NECTIN3: variants seen among roughly 807,000 people sequenced by gnomAD.
The protein encoded by NECTIN3 is nectin cell adhesion molecule 3.
A neutral mutation model predicts 49.4 loss-of-function variants in NECTIN3; 8 were observed. The ratio of observed to expected loss-of-function variants is 0.16; its 90% confidence interval spans 0.10 to 0.29. NECTIN3 has a LOEUF of 0.29. Among genes scored for constraint, NECTIN3 ranks in the 10% least tolerant of loss-of-function variants. NECTIN3 has a pLI of 1.00. For synonymous variants in NECTIN3, 277 were observed against 241.1 expected (o/e 1.15, Z -1.38); for missense variants, 581 against 654.6 (o/e 0.89, Z 1.23).
At position 111,107,787 on chromosome 3, in the gene NECTIN3, A is replaced by G. The variant is rs184804653; in HGVS notation, c.161-4243A>G. On this transcript the variant is annotated intron_variant, in intron 1 of 5. Transcript: ENST00000485303. The stretch of plus-strand genomic sequence containing the variant: ...TTTGGTTTAAGAACTACAACAGAAA[A>G]TCTGTTTCTGCACAGTTTTAAGATT... Among the ~76,000 whole-genome samples the G allele has an allele frequency of 1.2e-4, 19 of 152,252 alleles. No individual in the cohort carries two copies. The East Asian group carries it at 3.5e-3, about 28-fold the overall frequency.
intron 2 of NECTIN3, 142 bp from the exon 3 acceptor site, chr3:111,118,514 C>T (rs931281893): frequency 1.7e-5 from 12 of 707,870 alleles, no homozygotes; most frequent in African/African-American, 9.0e-5. Context: ...ATGTAATTGA[C>T]GATGGCATTA....
chr3:111,182,307 T>C (rs1341139064), intron 7 of NECTIN3, among the ~76,000 whole-genome samples: 1 of 152,098 alleles, frequency 6.6e-6, no homozygotes, highest in Non-Finnish European at 1.5e-5. Flanking sequence ...GTTACGCTGT[T>C]GTTGGATGTG....
chr3:111,106,431 T>G (rs1209555571), intron 1 of NECTIN3, among the ~76,000 whole-genome samples: 3 of 152,242 alleles, frequency 2.0e-5, no homozygotes, highest in Non-Finnish European at 4.4e-5. Flanking sequence ...TGATAATATT[T>G]GTTTGCAGTT....
chr3:111,119,157 A>T (rs1464371777), intron 3 of NECTIN3, among the ~76,000 whole-genome samples: 3 of 152,208 alleles, frequency 2.0e-5, no homozygotes, highest in Non-Finnish European at 4.4e-5. Context: ...CCAACTTAAA[A>T]TTATATAACC....
At chr3:111,124,699 C>T (rs761579083) in intron 4 of NECTIN3, among the ~76,000 whole-genome samples, 1 of 152,180 alleles carries the variant, frequency 6.6e-6, no homozygotes, top group Non-Finnish European at 1.5e-5. Context: ...TTTTACCACT[C>T]ACTACACTTG....
intron 7 of NECTIN3, among the ~76,000 whole-genome samples, chr3:111,178,300 CT>C (rs1438091813): frequency 2.0e-4 from 30 of 152,126 alleles, no homozygotes; most frequent in African/African-American, 7.0e-4. Flanking sequence ...GCCATGAGGA[CT>C]TTCTTTCTGT....
At chr3:111,080,724 G>A (rs1351525556) in intron 1 of NECTIN3, among the ~76,000 whole-genome samples, 2 of 151,790 alleles carry the variant, frequency 1.3e-5, no homozygotes, top group Non-Finnish European at 2.9e-5. Context: ...GGGATAAATT[G>A]GGGACTATTG....
In NECTIN3 at chr3:111,133,729, C is replaced by A; in HGVS notation, c.1164C>A (p.Pro388=). 1 of 1,613,946 alleles carries A rather than the reference C, an allele frequency of 6.2e-7. No homozygotes were observed. The highest frequency in any genetic ancestry group is 8.5e-7 in the Non-Finnish European group (1 of 1,179,866). ...EDLATEPKKL[P]FPLSTLATIK... ...TAGCAACAGAACCTAAAAAATTGCC[C>A]TTCCCATTGTCAACTTTGGCAACAA... Residue 388 remains proline, a synonymous_variant, in exon 6 of 6, where the codon CCC becomes CCA. Transcript: ENST00000485303.
At chr3:111,131,451 T>A (rs2034387697) in intron 5 of NECTIN3, among the ~76,000 whole-genome samples, 1 of 152,028 alleles carries the variant, frequency 6.6e-6, no homozygotes, top group Non-Finnish European at 1.5e-5. Flanking sequence ...TTTGCACGCA[T>A]TGTCATATTT....
chr3:111,077,852 G>C (rs1170634354), intron 1 of NECTIN3, among the ~76,000 whole-genome samples: 2 of 152,112 alleles, frequency 1.3e-5, no homozygotes, highest in African/African-American at 4.8e-5. Flanking sequence ...CGAAATCAAG[G>C]TTAGTCCAAA....
At chr3:111,149,073 C>G (rs1260019151) in intron 7 of NECTIN3, among the ~76,000 whole-genome samples, 1 of 151,934 alleles carries the variant, frequency 6.6e-6, no homozygotes, top group Non-Finnish European at 1.5e-5. Flanking sequence ...ATGGGATAAC[C>G]AGTTGTCCAA....
intron 1 of NECTIN3, among the ~76,000 whole-genome samples, chr3:111,108,876 G>A (rs2033330073): frequency 6.6e-6 from 1 of 152,082 alleles, no homozygotes; most frequent in African/African-American, 2.4e-5. Context: ...CCTCTCATTA[G>A]GTCCACCTCC....
intron 1 of NECTIN3, among the ~76,000 whole-genome samples, chr3:111,096,711 G>A (rs2032605816): frequency 1.3e-5 from 2 of 152,198 alleles, no homozygotes; most frequent in African/African-American, 4.8e-5. Context: ...TCGGGCTGTT[G>A]CTTCAGAAGG....
downstream of NECTIN3, among the ~76,000 whole-genome samples, chr3:111,140,058 A>G (rs2034703533): frequency 6.6e-6 from 1 of 151,882 alleles, no homozygotes; most frequent in African/African-American, 2.4e-5. Context: ...AAGGTCTGAT[A>G]TCATGGTCAG....
At chr3:111,086,102 G>C (rs1337744112) in intron 1 of NECTIN3, among the ~76,000 whole-genome samples, 2 of 152,142 alleles carry the variant, frequency 1.3e-5, no homozygotes, top group African/African-American at 2.4e-5. Context: ...CTTTTGTGAA[G>C]TGCCTGTTCA....
chr3:111,154,144 C>G (rs1025403134), intron 7 of NECTIN3, among the ~76,000 whole-genome samples: 2 of 152,074 alleles, frequency 1.3e-5, no homozygotes, highest in African/African-American at 4.8e-5. Context: ...TCCTAGTGTC[C>G]CTTTGTAATC....
At chr3:111,159,112 A>G (rs1372413843) in intron 7 of NECTIN3, among the ~76,000 whole-genome samples, 1 of 152,182 alleles carries the variant, frequency 6.6e-6, no homozygotes, top group African/African-American at 2.4e-5. Context: ...CTTCCAGTTT[A>G]TCTTTTGTAA....
chr3:111,114,191 T>C (rs1004944158), intron 2 of NECTIN3, among the ~76,000 whole-genome samples: 1 of 152,126 alleles, frequency 6.6e-6, no homozygotes, highest in African/African-American at 2.4e-5. Context: ...CTATTCTCCT[T>C]GCTTCTCTTT....
At chr3:111,093,909 A>C (rs2107399923) in intron 1 of NECTIN3, among the ~76,000 whole-genome samples, 1 of 152,336 alleles carries the variant, frequency 6.6e-6, no homozygotes, top group Admixed American at 6.5e-5. Context: ...GTCTGCTTTT[A>C]GTGTGTCATA....
Sources: allele counts gnomAD v4.1 joint callset (sites outside exome capture counted in the v4.1 genomes callset), GRCh38; gene constraint gnomAD v4.1.1; transcripts MANE v1.5; gene names NCBI Gene and HGNC (gene_info 2026-07-23, HGNC 2026-07-21).